ABCB11: variants seen among roughly 807,000 people sequenced by gnomAD.
ABCB11 encodes the protein bile salt export pump.
In ABCB11, 95 loss-of-function variants were observed where a neutral mutation model predicts 148.0. The ratio of observed to expected loss-of-function variants is 0.64; its 90% confidence interval spans 0.54 to 0.76. The LOEUF is 0.76. ABCB11 is among the 30% of genes least tolerant of loss of function. ABCB11 has a pLI of 0.00. For missense variants in ABCB11, 1,523 were observed against 1,617.8 expected, an observed-to-expected ratio of 0.94 and a Z score of 1.01; for synonymous variants, 591 against 555.4, an observed-to-expected ratio of 1.06 and a Z score of -0.90.
intron 7 of ABCB11, 87 bp from the exon 8 acceptor site, chr2:168,993,969 A>G (rs1411232809): frequency 8.7e-7 from 1 of 1,154,610 alleles, no homozygotes; most frequent in South Asian, 1.4e-5. Flanking sequence ...CCTTTTAAAC[A>G]TTCCCATCTC....
At position 168,955,889 on chromosome 2, in the gene ABCB11, A is replaced by G. The variant is rs569536917; in HGVS notation, c.2343+2075T>C. On this transcript the variant is annotated intron_variant, in intron 19 of 27. Coordinates refer to ENST00000650372, the MANE Select transcript of ABCB11 (RefSeq NM_003742.4). The stretch of plus-strand genomic sequence containing the variant: ...TTCTAAAAGGGAGAAATTGGCCAAA[A>G]CAAAGGTGCTCCAGGCCACATGCAG... Among the ~76,000 whole-genome samples the G allele has an allele frequency of 1.3e-3, 204 of 151,676 alleles. 1 individual carries two copies. The highest frequency in any genetic ancestry group is 1.3e-3 in the Non-Finnish European group (85 of 67,742).
chr2:168,970,439 G>A (rs1163581357), intron 14 of ABCB11: 12 of 1,265,458 alleles, frequency 9.5e-6, no homozygotes, highest in Non-Finnish European at 1.3e-5. Flanking sequence ...AGGGTTTACT[G>A]GGCTGTGTAA....
At chr2:169,027,502 TA>T (rs1283734405) in intron 1 of ABCB11, among the ~76,000 whole-genome samples, 1 of 152,182 alleles carries the variant, frequency 6.6e-6, no homozygotes. Flanking sequence ...CAATTACTGG[TA>T]AAAACATATC....
intron 11 of ABCB11, 61 bp downstream of exon 11, chr2:168,979,805 T>C: frequency 1.0e-6 from 1 of 1,001,474 alleles, no homozygotes; most frequent in Non-Finnish European, 1.5e-6. Flanking sequence ...CAGGAGTTCA[T>C]TCTGTGCCCC....
intron 5 of ABCB11, among the ~76,000 whole-genome samples, chr2:169,012,073 A>G (rs1344814231): frequency 1.3e-5 from 2 of 152,172 alleles, no homozygotes; most frequent in Non-Finnish European, 1.5e-5. Flanking sequence ...AAAGACCCTA[A>G]GAGAGATAAT....
chr2:168,980,794 AG>A (rs1694108450), intron 10 of ABCB11, among the ~76,000 whole-genome samples: 1 of 152,106 alleles, frequency 6.6e-6, no homozygotes, highest in South Asian at 2.1e-4. Flanking sequence ...TCATTACCTT[AG>A]GGGAAGGCTA....
Position 168,979,879 on chromosome 2 carries a change from T to C in ABCB11, c.1184A>G (p.Glu395Gly). ...GCTTATACATACCCTGTCTATTGTC[T>C]CAAAAATGCTGGTGGCTGCTGCACG... is the stretch of plus-strand genomic sequence containing the variant. ...TGRAAATSIF[E>G]TIDRKPIIDC... Residue 395 changes from glutamate to glycine, a missense_variant, in exon 11 of 28, where the codon GAG becomes GGG. Glu to Gly is a moderately conservative substitution (Grantham distance 98). Transcript: ENST00000650372. The C allele has an allele frequency of 6.2e-7, 1 of 1,607,192 alleles. No individual in the cohort carries two copies. Among genetic ancestry groups the C allele is most frequent in the South Asian group, 1.1e-5 (1 of 90,902 alleles).
chr2:169,008,051 C>A (rs575043817), intron 5 of ABCB11, among the ~76,000 whole-genome samples: 1 of 152,152 alleles, frequency 6.6e-6, no homozygotes, highest in African/African-American at 2.4e-5. Flanking sequence ...AAATGGCCAA[C>A]AAGCACCTAA....
At chr2:168,931,261 A>G (rs1335604183) in intron 24 of ABCB11, among the ~76,000 whole-genome samples, 3 of 152,192 alleles carry the variant, frequency 2.0e-5, no homozygotes, top group Non-Finnish European at 4.4e-5. Context: ...ACCTAGAAAG[A>G]AAGTTACCTG....
chr2:169,026,542 G>A (rs1314535029), intron 1 of ABCB11, among the ~76,000 whole-genome samples: 2 of 152,106 alleles, frequency 1.3e-5, no homozygotes, highest in East Asian at 1.9e-4. Flanking sequence ...CTGAAAAACC[G>A]AAATTTCTAG....
At chr2:169,002,203 T>A (rs778497146) in intron 5 of ABCB11, among the ~76,000 whole-genome samples, 21 of 152,202 alleles carry the variant, frequency 1.4e-4, no homozygotes, top group Admixed American at 3.9e-4. Flanking sequence ...CAATCCATCG[T>A]GAAGTGATAA....
In ABCB11 at chr2:168,935,295, C is replaced by T. The variant is rs1691766551; in HGVS notation, c.2945G>A (p.Gly982Glu). The T allele has an allele frequency of 6.2e-7, 1 of 1,613,844 alleles. No homozygotes were observed. Among genetic ancestry groups the T allele is most frequent in the Non-Finnish European group, 8.5e-7 (1 of 1,179,894 alleles). The change falls in exon 23 of 28, where the codon GGA (glycine) becomes GAA (glutamate). Residue 982 changes from glycine (G) to glutamate (E), a missense_variant. By Grantham distance (98) the Gly-to-Glu change is moderately conservative. Transcript: ENST00000650372. ...KTAIQKANIY[G>E]FCFAFAQCIM... ...GCACTGGGCAAAGGCAAAGCAGAATCCGTAAATATTGGCTTTCTGAATGGC... is the reference window on the plus strand; with the variant it reads ...GCACTGGGCAAAGGCAAAGCAGAATTCGTAAATATTGGCTTTCTGAATGGC...
chr2:168,984,962 C>G (rs535684995), intron 10 of ABCB11, among the ~76,000 whole-genome samples: 1 of 151,992 alleles, frequency 6.6e-6, no homozygotes, highest in Non-Finnish European at 1.5e-5. Context: ...AGGTTTTTCA[C>G]AGCATAAGGA....
chr2:168,930,588 A>C (rs1272413810), intron 25 of ABCB11, 77 bp downstream of exon 25: 1 of 1,259,342 alleles, frequency 7.9e-7, no homozygotes, highest in African/African-American at 1.5e-5. Flanking sequence ...CTGGCAAAGC[A>C]AAAACTTGAA....
chr2:168,923,682 T>C lies in ABCB11; in HGVS notation c.3906A>G (p.Glu1302=), dbSNP rs375782077. The C allele has an allele frequency of 1.1e-5, 18 of 1,613,542 alleles. No homozygotes were observed. The highest frequency in any genetic ancestry group is 1.4e-5 in the Non-Finnish European group (17 of 1,179,824). ...GVVIEKGTHE[E]LMAQKGAYYK... ...AGTAGGCTCCTTTTTGGGCCATCAG[T>C]TCTTCATGGGTCCCCTTTTCAATCA... is the stretch of plus-strand genomic sequence containing the variant. Residue 1302 remains glutamate, a synonymous_variant, in exon 28 of 28, where the codon GAA becomes GAG. Transcript: ENST00000650372.
chr2:168,920,015 A>G (rs770657415), downstream of ABCB11, among the ~76,000 whole-genome samples: 5 of 152,042 alleles, frequency 3.3e-5, no homozygotes, highest in Non-Finnish European at 5.9e-5. Context: ...TCATGCCACC[A>G]TGCCTGGCTA....
chr2:168,955,558 T>C (rs1043341612), intron 19 of ABCB11, among the ~76,000 whole-genome samples: 3 of 151,540 alleles, frequency 2.0e-5, no homozygotes, highest in African/African-American at 4.8e-5. Flanking sequence ...CTTCCACCAG[T>C]TCCCTTCTTC....
Position 168,923,470 on chromosome 2 carries a change from CGAT to C in ABCB11, c.*149_*151del. The C allele has an allele frequency of 1.4e-6, 1 of 697,434 alleles. No homozygotes were observed. Among genetic ancestry groups the C allele is most frequent in the Non-Finnish European group, 2.4e-6 (1 of 415,322 alleles). 43.2% of individuals were successfully genotyped at this position (697,434 alleles called of 1,614,324 possible). ...GGCCATTAGAAATTAGCTTGGATTC[CGAT>C]GTAGGAAAATGACTGTAAAAGTAAA... On this transcript the variant is annotated 3_prime_UTR_variant, in exon 28 of 28. Coordinates refer to ENST00000650372, the MANE Select transcript of ABCB11 (RefSeq NM_003742.4).
chr2:169,016,567 G>C (rs1235217047), intron 3 of ABCB11, among the ~76,000 whole-genome samples: 1 of 152,200 alleles, frequency 6.6e-6, no homozygotes, highest in African/African-American at 2.4e-5. Context: ...TGAATACAGA[G>C]GGGACATTTG....
Sources: allele counts gnomAD v4.1 joint callset (sites outside exome capture counted in the v4.1 genomes callset), GRCh38; gene constraint gnomAD v4.1.1; transcripts MANE v1.5; gene names NCBI Gene and HGNC (gene_info 2026-07-23, HGNC 2026-07-21).